Variants in GPC5 observed in about 807,000 individuals in gnomAD.
GPC5 encodes the protein glypican 5.
Under a neutral mutation model 53.9 loss-of-function variants are expected in GPC5, and 47 were observed. The observed-to-expected ratio is 0.87, with a 90% CI of 0.69 to 1.11. GPC5 has a LOEUF of 1.11. GPC5 is among the 50% of genes most tolerant of loss of function. The probability of loss-of-function intolerance (pLI) is 0.00; values close to 1 mark genes in which losing one functional copy is unlikely to be tolerated. For synonymous variants in GPC5, 286 were observed against 263.3 expected, an observed-to-expected ratio of 1.09 and a Z score of -0.84; for missense variants, 748 against 713.1, an observed-to-expected ratio of 1.05 and a Z score of -0.56.
chr13:91,768,103 T>C (rs1187987798), intron 5 of GPC5, among the ~76,000 whole-genome samples: 1 of 152,188 alleles, frequency 6.6e-6, no homozygotes, highest in Admixed American at 6.5e-5. Context: ...TTCCATATCA[T>C]AGCATATAAA....
At chr13:92,719,853 T>G (rs1888455749) in intron 7 of GPC5, 1 of 152,200 alleles carries the variant, frequency 6.6e-6, no homozygotes, top group Admixed American at 6.6e-5. Context: ...TACAGGGATT[T>G]ATAAATAAAG....
chr13:91,678,024 G>A (rs747806250), intron 2 of GPC5, among the ~76,000 whole-genome samples: 2 of 152,150 alleles, frequency 1.3e-5, no homozygotes, highest in African/African-American at 2.4e-5. Flanking sequence ...TTATCAGAAA[G>A]AATTACAATT....
chr13:91,735,227 T>G (rs751821687), intron 4 of GPC5, among the ~76,000 whole-genome samples: 21 of 151,288 alleles, frequency 1.4e-4, no homozygotes, highest in Non-Finnish European at 2.6e-4. Flanking sequence ...GTTTTTTCTC[T>G]TATTATACAT....
intron 5 of GPC5, among the ~76,000 whole-genome samples, chr13:91,890,965 C>A (rs1207044060): frequency 6.6e-6 from 1 of 152,128 alleles, no homozygotes; most frequent in Non-Finnish European, 1.5e-5. Context: ...TGGCATCAAG[C>A]AGTTTGGTGC....
At chr13:91,730,720 C>G (rs556948782) in intron 4 of GPC5, among the ~76,000 whole-genome samples, 1 of 152,144 alleles carries the variant, frequency 6.6e-6, no homozygotes, top group Admixed American at 6.5e-5. Flanking sequence ...CAGATTAAAG[C>G]TCTTTTGGGC....
intron 6 of GPC5, among the ~76,000 whole-genome samples, chr13:92,085,347 A>T (rs1051792419): frequency 6.6e-6 from 1 of 152,258 alleles, no homozygotes; most frequent in Non-Finnish European, 1.5e-5. Context: ...AAAATGTAAT[A>T]TGGATACTGT....
At chr13:92,538,226 C>T (rs1477794820) in intron 7 of GPC5, among the ~76,000 whole-genome samples, 4 of 144,352 alleles carry the variant, frequency 2.8e-5, no homozygotes, top group Admixed American at 1.4e-4. Flanking sequence ...CCTCCACTTC[C>T]GTTCCCTCTC....
chr13:92,303,077 C>A (rs1412438696), intron 7 of GPC5, among the ~76,000 whole-genome samples: 1 of 152,142 alleles, frequency 6.6e-6, no homozygotes, highest in Non-Finnish European at 1.5e-5. Flanking sequence ...TCTCCTCTAA[C>A]ATTTTCATTG....
intron 6 of GPC5, among the ~76,000 whole-genome samples, chr13:92,127,687 A>T (rs1265600645): frequency 6.6e-6 from 1 of 152,240 alleles, no homozygotes; most frequent in African/African-American, 2.4e-5. Flanking sequence ...GGACATGAAC[A>T]AAATGCTGGG....
intron 6 of GPC5, among the ~76,000 whole-genome samples, chr13:91,951,112 C>G (rs1350231777): frequency 6.6e-6 from 1 of 152,012 alleles, no homozygotes; most frequent in African/African-American, 2.4e-5. Flanking sequence ...TCTGTTTTGC[C>G]CATTTAGCAT....
intron 6 of GPC5, chr13:91,995,814 C>A (rs890576944): frequency 6.6e-6 from 1 of 152,106 alleles, no homozygotes; most frequent in Non-Finnish European, 1.5e-5. Flanking sequence ...TAAGTTTTAT[C>A]ATGCATAAAA....
chr13:92,690,602 GCTGGTGAGGAA>G (rs1378985507), intron 7 of GPC5, among the ~76,000 whole-genome samples: 1 of 144,798 alleles, frequency 6.9e-6, no homozygotes, highest in Non-Finnish European at 1.5e-5. Context: ...TTGTTCTGTT[GCTGGTGAGGAA>G]CTGCGTTCCT....
At chr13:92,537,193 A>T (rs1242514163) in intron 7 of GPC5, among the ~76,000 whole-genome samples, 1 of 152,190 alleles carries the variant, frequency 6.6e-6, no homozygotes, top group African/African-American at 2.4e-5. Flanking sequence ...TTTCAAAGTT[A>T]AAAATTAAAG....
intron 7 of GPC5, among the ~76,000 whole-genome samples, chr13:92,284,722 G>A (rs2042941287): frequency 6.6e-6 from 1 of 152,080 alleles, no homozygotes; most frequent in African/African-American, 2.4e-5. Flanking sequence ...GAACAAATTA[G>A]GTGTTGATGA....
chr13:92,506,683 T>C (rs772859563), intron 7 of GPC5, among the ~76,000 whole-genome samples: 2 of 152,140 alleles, frequency 1.3e-5, no homozygotes, highest in Non-Finnish European at 2.9e-5. Flanking sequence ...ATAACATCCC[T>C]GAGGAGAACG....
intron 2 of GPC5, among the ~76,000 whole-genome samples, chr13:91,633,841 C>G (rs1314364266): frequency 6.6e-6 from 1 of 152,074 alleles, no homozygotes; most frequent in East Asian, 1.9e-4. Flanking sequence ...TCTTTACTCT[C>G]AGATGAGGAT....
intron 7 of GPC5, among the ~76,000 whole-genome samples, chr13:92,276,124 AGT>A (rs1406552081): frequency 6.6e-6 from 1 of 152,108 alleles, no homozygotes; most frequent in South Asian, 2.1e-4. Flanking sequence ...GTCAGCTTCC[AGT>A]GTGTGTGTGA....
In GPC5 at chr13:91,993,801, T is replaced by A. The variant is rs991030127; in HGVS notation, c.1401+85744T>A. On this transcript the variant is annotated intron_variant, in intron 6 of 7. Coordinates refer to ENST00000377067, the MANE Select transcript of GPC5 (RefSeq NM_004466.6). ...CATTCATGTTATTTCAGAGTGTCAG[T>A]TGTAGTGCAGAACTTCAGCTATCCA... is the stretch of plus-strand genomic sequence containing the variant. Among the ~76,000 whole-genome samples the A allele has an allele frequency of 2.0e-5, 3 of 152,292 alleles. No homozygotes were observed. The East Asian group carries it at 5.8e-4, about 29-fold the overall frequency.
chr13:92,077,207 G>A (rs1360505326), intron 6 of GPC5, among the ~76,000 whole-genome samples: 1 of 151,922 alleles, frequency 6.6e-6, no homozygotes, highest in Non-Finnish European at 1.5e-5. Context: ...AACCACCTTG[G>A]GCACATGTTC....
Sources: allele counts gnomAD v4.1 joint callset (sites outside exome capture counted in the v4.1 genomes callset), GRCh38; gene constraint gnomAD v4.1.1; transcripts MANE v1.5; gene names NCBI Gene and HGNC (gene_info 2026-07-23, HGNC 2026-07-21).